The following MIDEAS variants were observed in gnomAD, a reference collection of about 807,000 sequenced individuals.
The protein encoded by MIDEAS is mitotic deacetylase-associated SANT domain protein.
In MIDEAS, 26 loss-of-function variants were observed where a neutral mutation model predicts 102.7. The ratio of observed to expected loss-of-function variants is 0.25; its 90% CI spans 0.19 to 0.35. The LOEUF is 0.35. Among genes scored for constraint, MIDEAS ranks in the 10% least tolerant of loss-of-function variants. MIDEAS has a pLI of 1.00. For missense variants in MIDEAS, 1,231 were observed against 1,435.6 expected, an observed-to-expected ratio of 0.86 and a Z score of 2.30; for synonymous variants, 585 against 591.0, an observed-to-expected ratio of 0.99 and a Z score of 0.15.
At chr14:73,730,890 G>A (rs1220983417) in intron 3 of MIDEAS, among the ~76,000 whole-genome samples, 1 of 152,146 alleles carries the variant, frequency 6.6e-6, no homozygotes, top group East Asian at 1.9e-4. Context: ...CCCGGGAGGT[G>A]GAGGTTGCAG....
upstream of MIDEAS, chr14:73,787,638 G>C (rs1305047875): frequency 6.6e-6 from 1 of 152,282 alleles, no homozygotes; most frequent in African/African-American, 2.4e-5. Context: ...GGGCTAAAAG[G>C]GTCATGTCAG....
In MIDEAS at chr14:73,738,744, T is replaced by A. The variant is rs759239749; in HGVS notation, c.1265A>T (p.Glu422Val). The A allele has an allele frequency of 6.2e-7, 1 of 1,611,372 alleles. No individual in the cohort carries two copies. Among genetic ancestry groups the A allele is most frequent in the Non-Finnish European group, 8.5e-7 (1 of 1,178,694 alleles). The stretch of plus-strand genomic sequence containing the variant: ...GCTGCCCATGGCAGGAGCCTCTCGC[T>A]CCCGGCCATTGGGTGCTAGTCTCTC... Reference protein sequence around the residue: ...DGERLAPNGREREAPAMGSEE... With the variant: ...DGERLAPNGRVREAPAMGSEE... The change falls in exon 2 of 13, where the codon GAG (glutamate) becomes GTG (valine). Residue 422 changes from glutamate (E) to valine (V), a missense_variant. Physicochemically the swap from Glu to Val is moderately radical, Grantham distance 121. Around this residue, in one of 5 missense-constraint regions of MIDEAS, gnomAD observed 758 missense variants for 856.0 expected, o/e 0.89. Coordinates refer to ENST00000423556, the MANE Select transcript of MIDEAS (RefSeq NM_001367710.1).
chr14:73,738,638 C>T lies in MIDEAS; in HGVS notation c.1371G>A (p.Arg457=). 1 of 1,613,394 alleles carries T rather than the reference C, an allele frequency of 6.2e-7. No individual in the cohort carries two copies. ...RGGVIQSTRR[R]RRASQEANLL... ...AATTGGCCTCCTGGGATGCCCGGCG[C>T]CTCCGTCGCGTGCTCTGGATCACTC... The change falls in exon 2 of 13, where the codon AGG becomes AGA. Residue 457 remains arginine, a synonymous_variant. Coordinates refer to ENST00000423556, the MANE Select transcript of MIDEAS (RefSeq NM_001367710.1).
rs776882723 is a variant in MIDEAS, at chr14:73,739,541, C to A, written c.468G>T (p.Pro156=). ...KGSPHPGVGV[P]TYYNHPEALK... is the part of the protein sequence containing the mutation. The stretch of plus-strand genomic sequence containing the variant: ...GTGCCTCAGGGTGGTTATAGTAAGT[C>A]GGGACTCCCACTCCAGGATGCGGGC... The change falls in exon 2 of 13, where the codon CCG becomes CCT. Residue 156 remains proline, a synonymous_variant. Coordinates refer to ENST00000423556, the MANE Select transcript of MIDEAS (RefSeq NM_001367710.1). The A allele has an allele frequency of 2.5e-6, 4 of 1,614,132 alleles. No homozygotes were observed. Among genetic ancestry groups the A allele is most frequent in the Non-Finnish European group, 1.7e-6 (2 of 1,179,998 alleles).
intron 1 of MIDEAS, among the ~76,000 whole-genome samples, chr14:73,777,412 G>T (rs368931102): frequency 6.6e-6 from 1 of 152,014 alleles, no homozygotes; most frequent in African/African-American, 2.4e-5. Context: ...TTTAGCTACA[G>T]TTAGCTTCTG....
chr14:73,784,193 C>T lies in MIDEAS; in HGVS notation c.-248+2909G>A, dbSNP rs572520421. Among the ~76,000 whole-genome samples, 10 of 152,324 alleles carry T rather than the reference C, an allele frequency of 6.6e-5. No homozygotes were observed. The East Asian group carries it at 1.5e-3, about 24-fold the overall frequency. On this transcript the variant is annotated intron_variant, in intron 1 of 11. Coordinates refer to the MIDEAS transcript ENST00000394071. ...CACTGTTGTTCCTAATTGTGCATGG[C>T]GAGGCAGCAGCCAGGGCTGCTCAGG... is the stretch of plus-strand genomic sequence containing the variant.
At chr14:73,719,077 G>C (rs1033645623) in intron 12 of MIDEAS, 69 bp from the exon 13 acceptor site, 1 of 1,446,950 alleles carries the variant, frequency 6.9e-7, no homozygotes, top group Non-Finnish European at 9.0e-7. Flanking sequence ...GGGTGCGCGA[G>C]GAGCCCCAGC....
intron 1 of MIDEAS, among the ~76,000 whole-genome samples, chr14:73,783,174 G>C (rs1243534999): frequency 1.3e-5 from 2 of 152,178 alleles, no homozygotes; most frequent in African/African-American, 4.8e-5. Context: ...GCCCAAAAGA[G>C]AAAGTGAAAA....
Position 73,716,938 on chromosome 14 carries a change from A to AG in MIDEAS, c.*1904_*1905insC, listed in dbSNP as rs1261358346. ...TGCTACCCCCCTGCTTCTACAGGGT[A>AG]TACCAGATTTTTGCTGTCTTGGGAC... On this transcript the variant is annotated 3_prime_UTR_variant, in exon 13 of 13. Coordinates refer to ENST00000423556, the MANE Select transcript of MIDEAS (RefSeq NM_001367710.1). 6.6e-6 allele frequency: 1 copy of AG among 152,632 alleles called. No individual in the cohort carries two copies. The highest frequency in any genetic ancestry group is 1.9e-4 in the East Asian group (1 of 5,198). The allele number at this position is 152,632 out of a possible 1,614,324, so 9.5% of individuals were successfully genotyped here.
At chr14:73,724,874 G>C in intron 9 of MIDEAS, 1 of 195,530 alleles carries the variant, frequency 5.1e-6, no homozygotes, top group Non-Finnish European at 1.1e-5. Context: ...GAGGCCCCCA[G>C]GTCAGCTCCG....
Position 73,739,211 on chromosome 14 carries a change from G to A in MIDEAS, c.798C>T (p.Pro266=), listed in dbSNP as rs1056887338. The A allele has an allele frequency of 6.2e-7, 1 of 1,613,532 alleles. No homozygotes were observed. The highest frequency in any genetic ancestry group is 1.1e-5 in the South Asian group (1 of 91,080). Residue 266 remains proline, a synonymous_variant, in exon 2 of 13, where the codon CCC becomes CCT. Coordinates refer to ENST00000423556, the MANE Select transcript of MIDEAS (RefSeq NM_001367710.1). ...AGAAGTTCTCAAAGAGCGGCATCTG[G>A]GGTAGGGCTGCCTGCTGCTGCTGCT... ...QQQQQQQAAL[P]QMPLFENFYS...
At chr14:73,755,075 A>C (rs2053463462) in intron 1 of MIDEAS, 1 of 152,258 alleles carries the variant, frequency 6.6e-6, no homozygotes, top group Non-Finnish European at 1.5e-5. Flanking sequence ...AGGACTCCTG[A>C]AGGAAGAAGC....
Position 73,719,384 on chromosome 14 carries a change from A to C in MIDEAS, c.3055T>G (p.Ser1019Ala), listed in dbSNP as rs908523328. 3.1e-6 allele frequency: 5 copies of C among 1,613,944 alleles called. No homozygotes were observed. Among genetic ancestry groups the C allele is most frequent in the Admixed American group, 1.7e-5 (1 of 60,000 alleles). ...GTCTCTGTTTTTTTCTTCTTCTCTG[A>C]AAAAGGTAGTGCCCTTCGTGACTTC... ...TGKSRRALPF[S>A]EKKKKTETFS... Residue 1019 changes from serine to alanine, a missense_variant, in exon 12 of 13, where the codon TCA becomes GCA. Physicochemically the swap from Ser to Ala is moderately conservative, Grantham distance 99. Transcript: ENST00000423556.
At chr14:73,749,226 G>GT (rs893845776) in intron 1 of MIDEAS, among the ~76,000 whole-genome samples, 5 of 152,076 alleles carry the variant, frequency 3.3e-5, no homozygotes, top group Admixed American at 6.6e-5. Context: ...TAGGTGAACT[G>GT]TTTTTTTGTT....
chr14:73,756,421 G>A (rs1319792466), intron 1 of MIDEAS, among the ~76,000 whole-genome samples: 1 of 152,196 alleles, frequency 6.6e-6, no homozygotes, highest in Non-Finnish European at 1.5e-5. Context: ...ACAGTATCCT[G>A]AATGTTGCTT....
At chr14:73,736,427 C>G (rs111651635) in intron 3 of MIDEAS, among the ~76,000 whole-genome samples, 32,553 of 151,672 alleles carry the variant, frequency 0.21, 3,670 homozygotes, top group South Asian at 0.28. Context: ...GTCAGGAGAT[C>G]GAGACCATCC....
upstream of MIDEAS, among the ~76,000 whole-genome samples, chr14:73,788,370 T>C (rs1419552894): frequency 2.0e-5 from 3 of 152,218 alleles, no homozygotes; most frequent in Non-Finnish European, 4.4e-5. Context: ...TTCATCTTTT[T>C]ATGAAAACAC....
intron 1 of MIDEAS, among the ~76,000 whole-genome samples, chr14:73,769,846 C>T (rs948644777): frequency 1.5e-4 from 22 of 151,470 alleles, no homozygotes; most frequent in African/African-American, 3.9e-4. Context: ...GTGATCTGCC[C>T]GCCTCGGCCT....
intron 1 of MIDEAS, among the ~76,000 whole-genome samples, chr14:73,757,165 G>C (rs1045055281): frequency 1.3e-5 from 2 of 150,984 alleles, no homozygotes; most frequent in African/African-American, 4.9e-5. Context: ...CCAGCTACTT[G>C]GGAGGCTGAG....
Sources: gnomAD v4.1 joint callset for allele counts (sites outside exome capture counted in the v4.1 genomes callset) on GRCh38, gnomAD v4.1.1 for gene constraint, gnomAD v4.1.1 regional missense constraint, MANE v1.5 for transcripts, NCBI Gene and HGNC (gene_info 2026-07-23, HGNC 2026-07-21) for gene names.